The following RAPH1 variants were observed in gnomAD, a reference collection of about 807,000 sequenced individuals.
The protein encoded by RAPH1 is ras-associated and pleckstrin homology domains-containing protein 1.
Under a neutral mutation model 88.1 loss-of-function variants are expected in RAPH1, and 18 were observed. The ratio of observed to expected loss-of-function variants is 0.20; its 90% CI spans 0.14 to 0.30. The LOEUF (loss-of-function observed/expected upper bound fraction) is 0.30. Ranked by LOEUF, RAPH1 falls within the 10% of genes least tolerant of loss-of-function variation. The probability of loss-of-function intolerance (pLI) is 1.00; values close to 1 mark genes in which losing one functional copy is unlikely to be tolerated. For synonymous variants in RAPH1, 587 were observed against 559.0 expected, an observed-to-expected ratio of 1.05 and a Z score of -0.71; for missense variants, 1,448 against 1,543.2, an observed-to-expected ratio of 0.94 and a Z score of 1.03.
intron 7 of RAPH1, 57 bp from the exon 8 acceptor site, chr2:203,457,652 C>T: frequency 8.0e-7 from 1 of 1,256,946 alleles, no homozygotes; most frequent in Non-Finnish European, 1.2e-6. Flanking sequence ...AAGGTTAAAG[C>T]ATAAATCCAT....
chr2:203,482,716 T>G (rs1351669386), intron 4 of RAPH1, among the ~76,000 whole-genome samples: 2 of 151,824 alleles, frequency 1.3e-5, no homozygotes, highest in Non-Finnish European at 2.9e-5. Flanking sequence ...GGCAGGAGGA[T>G]CCACTGAACC....
At chr2:203,488,565 C>T (rs991635973) in intron 4 of RAPH1, among the ~76,000 whole-genome samples, 7 of 113,100 alleles carry the variant, frequency 6.2e-5, no homozygotes, top group Admixed American at 2.6e-4. Context: ...CCAGCCTGGG[C>T]GACAGAATGA....
chr2:203,453,013 T>C (rs1445873688), intron 10 of RAPH1, among the ~76,000 whole-genome samples: 2 of 152,276 alleles, frequency 1.3e-5, no homozygotes, highest in Admixed American at 6.5e-5. Context: ...TATAACCTCT[T>C]AGAAAACTCC....
chr2:203,444,420 C>T (rs560608462), intron 13 of RAPH1: 1 of 109,230 alleles, frequency 9.2e-6, no homozygotes, highest in South Asian at 3.5e-4. Flanking sequence ...GACAGACTGA[C>T]ACTCTGTCAA....
Position 203,438,619 on chromosome 2 carries a change from C to T in RAPH1, c.*818G>A, listed in dbSNP as rs1008978623. 1.2e-5 allele frequency: 2 copies of T among 169,238 alleles called. No individual in the cohort carries two copies. The highest frequency in any genetic ancestry group is 4.8e-5 in the African/African-American group (2 of 41,640). The allele number at this position is 169,238 out of a possible 1,614,324, so 10.5% of individuals were successfully genotyped here. On this transcript the variant is annotated 3_prime_UTR_variant, in exon 14 of 14. Coordinates refer to ENST00000319170, the MANE Select transcript of RAPH1 (RefSeq NM_213589.3). ...TTCATAAAACAGTACTAAAAAGGAA[C>T]TATCCAGAATTATAGCACTAATTAT...
chr2:203,504,215 T>C (rs1688871180), intron 1 of RAPH1, among the ~76,000 whole-genome samples: 1 of 152,214 alleles, frequency 6.6e-6, no homozygotes, highest in Non-Finnish European at 1.5e-5. Context: ...TTCCGCACTG[T>C]CCCAGGAGAG....
chr2:203,475,695 G>C (rs554660898), intron 4 of RAPH1, among the ~76,000 whole-genome samples: 1 of 144,416 alleles, frequency 6.9e-6, no homozygotes, highest in East Asian at 2.0e-4. Flanking sequence ...CTTATAACAT[G>C]TTTCAGTTCT....
chr2:203,500,107 T>C (rs576050332), intron 1 of RAPH1, among the ~76,000 whole-genome samples: 1 of 152,196 alleles, frequency 6.6e-6, no homozygotes, highest in African/African-American at 2.4e-5. Context: ...GAGATGAACA[T>C]GACAACCTCT....
rs2098505694 is a variant in RAPH1, at chr2:203,443,038, AACT to A, written c.1777-1628_1777-1626del. On this transcript the variant is annotated intron_variant, in intron 13 of 13. Transcript: ENST00000319170. ...GTTTGAGTCTCTAATAAGGGAGTTA[AACT>A]CAGTGTTTTGAGAATTTAGATCGTT... is the stretch of plus-strand genomic sequence containing the variant. The A allele has an allele frequency of 2.6e-5, 4 of 152,198 alleles. No individual in the cohort carries two copies. In the South Asian group the frequency reaches 8.3e-4, roughly 32 times the overall value. 9.4% of individuals were successfully genotyped at this position (152,198 alleles called of 1,614,324 possible).
In RAPH1 at chr2:203,441,476, G is replaced by A. The variant is rs2098504090; in HGVS notation, c.1777-63C>T. The A allele has an allele frequency of 5.4e-6, 8 of 1,469,142 alleles. No homozygotes were observed. In the South Asian group the frequency reaches 7.3e-5, roughly 13 times the overall value. The allele number at this position is 1,469,142 out of a possible 1,614,324, so 91.0% of individuals were successfully genotyped here. Reference sequence around the variant, plus strand: ...ACACAACAAACAAAACAGTTACAGAGGTAAGCTTTGATTGTGTAAAACTAA... The same window carrying A: ...ACACAACAAACAAAACAGTTACAGAAGTAAGCTTTGATTGTGTAAAACTAA... On this transcript the variant is annotated intron_variant, in intron 13 of 13. Transcript: ENST00000319170.
intron 7 of RAPH1, among the ~76,000 whole-genome samples, chr2:203,458,022 T>C (rs1426414969): frequency 6.6e-6 from 1 of 152,192 alleles, no homozygotes; most frequent in Non-Finnish European, 1.5e-5. Flanking sequence ...TAAGAAGAAA[T>C]CCCATATTCT....
intron 1 of RAPH1, among the ~76,000 whole-genome samples, chr2:203,504,877 C>T (rs1424231038): frequency 6.6e-6 from 1 of 152,162 alleles, no homozygotes; most frequent in African/African-American, 2.4e-5. Context: ...AGCGCAGGGG[C>T]AAAATGCCGC....
chr2:203,525,702 G>A (rs1334191314), intron 1 of RAPH1, among the ~76,000 whole-genome samples: 8 of 152,202 alleles, frequency 5.3e-5, no homozygotes, highest in Middle Eastern at 6.8e-3. Context: ...GCTTGAACCT[G>A]AGAGGCGGAG....
chr2:203,439,464 C>A lies in RAPH1; in HGVS notation c.3726G>T (p.Gln1242His), dbSNP rs768655629. ...ACCAGTCTCTGGAGAGCTTGGTGTT[C>A]TGGTCTCTTTTGGGGGGAGCAGGAG... The part of the protein sequence containing the change: ...GPPPAPPKRD[Q>H]NTKLSRDW Residue 1242 changes from glutamine to histidine, a missense_variant, in exon 14 of 14, where the codon CAG becomes CAT. By Grantham distance (24) the Gln-to-His change is conservative. Around this residue, in one of 2 missense-constraint regions of RAPH1, gnomAD observed 935 missense variants for 890.1 expected, o/e 1.05. Coordinates refer to ENST00000319170, the MANE Select transcript of RAPH1 (RefSeq NM_213589.3). The A allele has an allele frequency of 6.2e-7, 1 of 1,613,916 alleles. No individual in the cohort carries two copies. Among genetic ancestry groups the A allele is most frequent in the Non-Finnish European group, 8.5e-7 (1 of 1,179,968 alleles).
At chr2:203,493,097 A>T (rs559007846) in intron 2 of RAPH1, among the ~76,000 whole-genome samples, 1 of 152,362 alleles carries the variant, frequency 6.6e-6, no homozygotes, top group South Asian at 2.1e-4. Context: ...CATCTCTTGA[A>T]AATGTCCCAA....
intron 1 of RAPH1, among the ~76,000 whole-genome samples, chr2:203,509,679 T>C (rs577116209): frequency 1.3e-5 from 2 of 152,290 alleles, no homozygotes; most frequent in African/African-American, 4.8e-5. Flanking sequence ...CTGATATAGT[T>C]TGGATGGGTA....
Position 203,448,919 on chromosome 2 carries a change from G to A in RAPH1, c.1414-83C>T. On this transcript the variant is annotated intron_variant, in intron 10 of 13. Transcript: ENST00000319170. The surrounding 1 kb of genome is among the most constrained non-coding windows in gnomAD (Gnocchi z 4.1). ...CTTTATCAAAGCTTAAACATATCCT[G>A]ACAAGTTATAGGCCATTAGAGTAAT... 1 of 873,852 alleles carries A rather than the reference G, an allele frequency of 1.1e-6. No individual in the cohort carries two copies. Among genetic ancestry groups the A allele is most frequent in the Non-Finnish European group, 1.8e-6 (1 of 560,582 alleles). 54.1% of individuals were successfully genotyped at this position (873,852 alleles called of 1,614,324 possible). A position where few individuals can be genotyped will look rare whatever the true frequency, so the allele number is the denominator to read the frequency against.
intron 7 of RAPH1, among the ~76,000 whole-genome samples, 193 bp from the exon 8 acceptor site, chr2:203,457,788 T>G (rs1158927267): frequency 6.6e-6 from 1 of 152,198 alleles, no homozygotes; most frequent in Admixed American, 6.5e-5. Flanking sequence ...ATCACTAAAA[T>G]GCTTAACACC....
At chr2:203,499,706 A>C (rs1414540669) in intron 1 of RAPH1, among the ~76,000 whole-genome samples, 1 of 152,096 alleles carries the variant, frequency 6.6e-6, no homozygotes, top group African/African-American at 2.4e-5. Flanking sequence ...AGTGAACTCC[A>C]TCTCAAAGAA....
Sources: allele counts gnomAD v4.1 joint callset (sites outside exome capture counted in the v4.1 genomes callset), GRCh38; gene constraint gnomAD v4.1.1; regional missense constraint gnomAD v4.1.1; non-coding constraint Gnocchi (gnomAD v3.1); transcripts MANE v1.5; gene names NCBI Gene and HGNC (gene_info 2026-07-23, HGNC 2026-07-21).